Variants in SMOC2 observed in about 807,000 individuals in gnomAD.
SMOC2 encodes SPARC related modular calcium binding 2.
In SMOC2, 39 loss-of-function variants were observed where a neutral mutation model predicts 61.4. That is an observed-to-expected ratio of 0.64 (90% CI 0.49 to 0.83). The LOEUF (loss-of-function observed/expected upper bound fraction) is 0.83, where lower values mean the gene tolerates loss of function less well. SMOC2 is among the 40% of genes least tolerant of loss of function. The pLI, the probability that SMOC2 is intolerant of heterozygous loss-of-function variation, is 0.00. For missense variants in SMOC2, 556 were observed against 592.9 expected (o/e 0.94, Z 0.65); for synonymous variants, 247 against 239.9 (o/e 1.03, Z -0.27).
chr6:168,602,308 C>T (rs1257560489), intron 8 of SMOC2, among the ~76,000 whole-genome samples: 1 of 152,110 alleles, frequency 6.6e-6, no homozygotes, highest in South Asian at 2.1e-4. Context: ...TGTTATAAGT[C>T]GTTGGTGGGG....
intron 7 of SMOC2, among the ~76,000 whole-genome samples, chr6:168,549,683 T>C (rs1281817158): frequency 2.0e-5 from 3 of 152,148 alleles, no homozygotes; most frequent in Non-Finnish European, 4.4e-5. Context: ...ATCAAAACTC[T>C]GTTGTTCAGG....
chr6:168,641,984 T>C (rs1786901314), intron 9 of SMOC2, among the ~76,000 whole-genome samples: 3 of 152,238 alleles, frequency 2.0e-5, no homozygotes, highest in African/African-American at 4.8e-5. Context: ...GTAGAGTTAA[T>C]GCACAAAAGT....
intron 11 of SMOC2, among the ~76,000 whole-genome samples, chr6:168,657,189 A>G (rs1452759892): frequency 1.3e-5 from 2 of 152,226 alleles, no homozygotes; most frequent in Non-Finnish European, 2.9e-5. Context: ...ATCCTACTTC[A>G]TGGCTCAAGA....
intron 7 of SMOC2, among the ~76,000 whole-genome samples, chr6:168,570,359 C>G (rs115525145): frequency 6.6e-6 from 1 of 152,230 alleles, no homozygotes; most frequent in East Asian, 1.9e-4. Flanking sequence ...TTGCCAGAAT[C>G]GTCAGGCTGA....
At chr6:168,552,512 TC>T (rs1200278469) in intron 7 of SMOC2, among the ~76,000 whole-genome samples, 2 of 152,190 alleles carry the variant, frequency 1.3e-5, no homozygotes, top group African/African-American at 4.8e-5. Context: ...GTAGTATTTT[TC>T]CCCATGAATT....
intron 9 of SMOC2, among the ~76,000 whole-genome samples, chr6:168,621,600 G>T (rs1432360925): frequency 6.6e-6 from 1 of 152,190 alleles, no homozygotes; most frequent in Admixed American, 6.5e-5. Context: ...CCACATGGCT[G>T]GGGAGGCCTC....
At chr6:168,605,205 A>T (rs1339611333) in intron 8 of SMOC2, among the ~76,000 whole-genome samples, 2 of 151,816 alleles carry the variant, frequency 1.3e-5, no homozygotes, top group Admixed American at 1.3e-4. Context: ...GGCTGTTCCT[A>T]CCTCACATCT....
At chr6:168,574,478 C>A (rs1488509278) in intron 7 of SMOC2, among the ~76,000 whole-genome samples, 1 of 152,198 alleles carries the variant, frequency 6.6e-6, no homozygotes, top group South Asian at 2.1e-4. Flanking sequence ...TCCCGCCGGG[C>A]CTTGGGGAGT....
intron 9 of SMOC2, among the ~76,000 whole-genome samples, chr6:168,626,502 G>A (rs1003388442): frequency 6.6e-6 from 1 of 152,190 alleles, no homozygotes; most frequent in Admixed American, 6.5e-5. Context: ...ACCTGGCCGT[G>A]GCGATTCCGC....
intron 11 of SMOC2, among the ~76,000 whole-genome samples, chr6:168,655,826 G>C (rs191324707): frequency 1.1e-4 from 16 of 152,208 alleles, no homozygotes; most frequent in Admixed American, 4.6e-4. Flanking sequence ...CTGCCCACTT[G>C]TGCTAGATCT....
chr6:168,532,779 G>A (rs1461716514), intron 4 of SMOC2, among the ~76,000 whole-genome samples: 1 of 152,216 alleles, frequency 6.6e-6, no homozygotes, highest in East Asian at 1.9e-4. Context: ...CACAGCCCAT[G>A]TGTAGTAGCT....
intron 1 of SMOC2, among the ~76,000 whole-genome samples, chr6:168,448,837 A>G (rs1781395480): frequency 6.6e-6 from 1 of 152,166 alleles, no homozygotes; most frequent in South Asian, 2.1e-4. Flanking sequence ...AATAATTCTA[A>G]TGTCTTTGGG....
chr6:168,638,438 G>C (rs1389369296), intron 9 of SMOC2, among the ~76,000 whole-genome samples: 1 of 152,152 alleles, frequency 6.6e-6, no homozygotes, highest in Non-Finnish European at 1.5e-5. Context: ...TGACGGGGTA[G>C]GAAAGCAGCC....
At chr6:168,659,221 C>A (rs1357215415) in intron 11 of SMOC2, among the ~76,000 whole-genome samples, 1 of 152,006 alleles carries the variant, frequency 6.6e-6, no homozygotes, top group African/African-American at 2.4e-5. Flanking sequence ...TTTGAGGTGT[C>A]ATTTGGCAAA....
At chr6:168,499,215 G>T (rs1055884278) in intron 1 of SMOC2, among the ~76,000 whole-genome samples, 1 of 152,244 alleles carries the variant, frequency 6.6e-6, no homozygotes, top group Non-Finnish European at 1.5e-5. Flanking sequence ...GGGTGGAGAT[G>T]AGAGTCCATT....
chr6:168,605,040 C>T (rs1052832273), intron 8 of SMOC2, among the ~76,000 whole-genome samples: 5 of 152,050 alleles, frequency 3.3e-5, no homozygotes, highest in South Asian at 2.1e-4. Context: ...AGGTGGGAGC[C>T]GAGGGGCAAG....
intron 7 of SMOC2, among the ~76,000 whole-genome samples, chr6:168,571,797 C>G (rs1784671885): frequency 1.3e-5 from 2 of 152,126 alleles, no homozygotes; most frequent in Admixed American, 6.5e-5. Context: ...ACGCAATGTT[C>G]ACTTTCTCCC....
chr6:168,516,734 C>G (rs541975806), intron 2 of SMOC2, among the ~76,000 whole-genome samples: 7 of 152,260 alleles, frequency 4.6e-5, no homozygotes, highest in African/African-American at 1.4e-4. Flanking sequence ...GCGGGCAGAT[C>G]ATGAGGTCAG....
intron 9 of SMOC2, among the ~76,000 whole-genome samples, chr6:168,647,410 T>C (rs940481860): frequency 1.3e-5 from 2 of 152,106 alleles, no homozygotes; most frequent in Non-Finnish European, 2.9e-5. Flanking sequence ...CACCACAAAA[T>C]GCCAGAGCAA....
Sources: allele counts gnomAD v4.1 joint callset (sites outside exome capture counted in the v4.1 genomes callset), GRCh38; gene constraint gnomAD v4.1.1; transcripts MANE v1.5; gene names NCBI Gene and HGNC (gene_info 2026-07-23, HGNC 2026-07-21).